Variants in TMPRSS15 observed in about 807,000 individuals in gnomAD.
TMPRSS15 encodes enteropeptidase.
TMPRSS15 carries 128 observed loss-of-function variants against 125.3 expected under a neutral mutation model. The ratio of observed to expected loss-of-function variants is 1.02; its 90% CI spans 0.89 to 1.18. The LOEUF (loss-of-function observed/expected upper bound fraction) is 1.18, where lower values mean the gene tolerates loss of function less well. TMPRSS15 is among the 50% of genes most tolerant of loss of function. The probability of loss-of-function intolerance (pLI) is 0.00; values close to 1 mark genes in which losing one functional copy is unlikely to be tolerated. For missense variants in TMPRSS15, 1,283 were observed against 1,212.7 expected, an observed-to-expected ratio of 1.06 and a Z score of -0.86; for synonymous variants, 446 against 423.2, an observed-to-expected ratio of 1.05 and a Z score of -0.66.
Position 18,474,372 on chromosome 21 carries a change from C to T in TMPRSS15, c.10+11427G>A, listed in dbSNP as rs1167178666. Among the ~76,000 whole-genome samples the T allele has an allele frequency of 3.3e-5, 5 of 151,826 alleles. No individual in the cohort carries two copies. The East Asian group carries it at 9.7e-4, about 29-fold the overall frequency. On this transcript the variant is annotated intron_variant, in intron 1 of 7. Coordinates refer to the TMPRSS15 transcript ENST00000422787. ...ATGGCTCAATCTTTGCTCACTGCAACCTTCGCCTCTTGGGTTCAAGTGATT... is the reference window on the plus strand; with the variant it reads ...ATGGCTCAATCTTTGCTCACTGCAATCTTCGCCTCTTGGGTTCAAGTGATT...
chr21:18,369,846 A>G (rs1036439366), intron 6 of TMPRSS15, among the ~76,000 whole-genome samples: 5 of 152,254 alleles, frequency 3.3e-5, no homozygotes, highest in African/African-American at 1.2e-4. Context: ...GCAACTTAAA[A>G]TGAATAAAGC....
chr21:18,413,016 C>T (rs563645304), intron 1 of TMPRSS15, among the ~76,000 whole-genome samples: 6 of 152,252 alleles, frequency 3.9e-5, no homozygotes, highest in East Asian at 3.9e-4. Context: ...TCTTCCCTTT[C>T]GCCTTTTAGA....
intron 1 of TMPRSS15, among the ~76,000 whole-genome samples, chr21:18,462,826 C>T (rs1039049815): frequency 1.3e-5 from 2 of 151,892 alleles, no homozygotes; most frequent in Non-Finnish European, 2.9e-5. Flanking sequence ...AGGTTACCCA[C>T]AAAGGGAAGC....
chr21:18,417,284 C>A (rs1430402759), intron 1 of TMPRSS15, among the ~76,000 whole-genome samples: 2 of 152,002 alleles, frequency 1.3e-5, no homozygotes, highest in African/African-American at 2.4e-5. Context: ...GGTAAGAAAG[C>A]AACAATTAAC....
At position 18,421,090 on chromosome 21, in the gene TMPRSS15, C is replaced by T. The variant is rs118090208; in HGVS notation, c.11-22761G>A. On this transcript the variant is annotated intron_variant, in intron 1 of 7. Transcript: ENST00000422787. ...TAGCTGTTATTTTACATATATGACA[C>T]GGAGGACTATATCACTAAACACTAT... Among the ~76,000 whole-genome samples, 540 of 152,154 alleles carry T rather than the reference C, an allele frequency of 3.5e-3. 1 individual carries two copies. The highest frequency in any genetic ancestry group is 6.0e-3 in the Non-Finnish European group (405 of 68,016).
chr21:18,294,928 A>G (rs1465052076), intron 19 of TMPRSS15, among the ~76,000 whole-genome samples: 1 of 152,222 alleles, frequency 6.6e-6, no homozygotes, highest in African/African-American at 2.4e-5. Flanking sequence ...GGGGGTAATA[A>G]TACTTTATTG....
intron 1 of TMPRSS15, among the ~76,000 whole-genome samples, chr21:18,459,726 T>C (rs1978515904): frequency 6.6e-6 from 1 of 152,224 alleles, no homozygotes; most frequent in African/African-American, 2.4e-5. Flanking sequence ...CTTGTCAAAG[T>C]ATGCTGGTAT....
Position 18,353,867 on chromosome 21 carries a change from C to G in TMPRSS15, c.881-4G>C, listed in dbSNP as rs2075598370. On this transcript the variant is annotated splice_polypyrimidine_tract_variant and splice_region_variant and intron_variant, in intron 8 of 24. Transcript: ENST00000284885. ...GGATTAGTTTCCCAAATAGAAGCTA[C>G]AAAATAAAATAAACAACTGTTATAT... 1 of 1,609,336 alleles carries G rather than the reference C, an allele frequency of 6.2e-7. No homozygotes were observed. The highest frequency in any genetic ancestry group is 8.5e-7 in the Non-Finnish European group (1 of 1,176,606).
intron 1 of TMPRSS15, among the ~76,000 whole-genome samples, chr21:18,421,459 T>A (rs2076191855): frequency 1.3e-5 from 2 of 152,208 alleles, no homozygotes; most frequent in South Asian, 4.1e-4. Flanking sequence ...ACCTAATAGT[T>A]AAGGAAAATC....
chr21:18,354,007 A>T (rs1396834698), intron 8 of TMPRSS15, 144 bp from the exon 9 acceptor site: 4 of 691,906 alleles, frequency 5.8e-6, no homozygotes, highest in Non-Finnish European at 9.8e-6. Flanking sequence ...AACTAAAAGC[A>T]TTAGTCTTAC....
chr21:18,430,749 A>T (rs539132151), intron 1 of TMPRSS15, among the ~76,000 whole-genome samples: 5 of 152,314 alleles, frequency 3.3e-5, no homozygotes, highest in Admixed American at 1.3e-4. Flanking sequence ...CAGGGAAAAC[A>T]AGGAGAGGTC....
intron 1 of TMPRSS15, among the ~76,000 whole-genome samples, chr21:18,468,034 A>G (rs57593696): frequency 0.57 from 86,533 of 151,918 alleles, 25,529 homozygotes; most frequent in East Asian, 0.92. Context: ...AAAAGTTGAA[A>G]AGACCATATT....
intron 1 of TMPRSS15, among the ~76,000 whole-genome samples, chr21:18,448,732 A>G (rs1184286747): frequency 6.7e-6 from 1 of 149,172 alleles, no homozygotes; most frequent in Non-Finnish European, 1.5e-5. Context: ...TAATATTCAA[A>G]TCTCATAAAC....
intron 1 of TMPRSS15, among the ~76,000 whole-genome samples, chr21:18,481,068 T>C (rs549814035): frequency 2.6e-5 from 4 of 151,934 alleles, no homozygotes; most frequent in South Asian, 2.1e-4. Flanking sequence ...CCTGATACAA[T>C]GAAATCCAAG....
chr21:18,479,832 A>G (rs1315558837), intron 1 of TMPRSS15, among the ~76,000 whole-genome samples: 2 of 152,090 alleles, frequency 1.3e-5, no homozygotes, highest in Non-Finnish European at 2.9e-5. Flanking sequence ...CAGTGTGGCA[A>G]TTCCTCAAGG....
At chr21:18,386,176 A>G (rs2075942115) in intron 3 of TMPRSS15, among the ~76,000 whole-genome samples, 1 of 152,182 alleles carries the variant, frequency 6.6e-6, no homozygotes, top group East Asian at 1.9e-4. Flanking sequence ...CTATTTTTGA[A>G]GCTGAATATT....
At chr21:18,350,198 T>C (rs1213770960) in intron 10 of TMPRSS15, among the ~76,000 whole-genome samples, 1 of 152,114 alleles carries the variant, frequency 6.6e-6, no homozygotes, top group Non-Finnish European at 1.5e-5. Flanking sequence ...TAATTAGTGA[T>C]TTTTCCATGG....
intron 1 of TMPRSS15, among the ~76,000 whole-genome samples, chr21:18,418,287 C>G (rs1372436919): frequency 6.6e-6 from 1 of 152,176 alleles, no homozygotes; most frequent in African/African-American, 2.4e-5. Flanking sequence ...AGTTAAGAAC[C>G]TTATTTTAAA....
Position 18,344,006 on chromosome 21 carries a change from A to G in TMPRSS15, c.1226T>C (p.Leu409Pro). ...AGTGGGGTCCAAAGGGAGGCTTAAA[A>G]GCCCCACTCGTTCTTGTCTCCCTCC... ...GPGGRQERVG[L>P]LSLPLDPTLE... The change falls in exon 11 of 25, where the codon CTT becomes CCT. Residue 409 changes from leucine to proline, a missense_variant. Coordinates refer to ENST00000284885, the MANE Select transcript of TMPRSS15 (RefSeq NM_002772.3). 6.2e-7 allele frequency: 1 copy of G among 1,614,126 alleles called. No individual in the cohort carries two copies.
Sources: allele counts gnomAD v4.1 joint callset (sites outside exome capture counted in the v4.1 genomes callset), GRCh38; gene constraint gnomAD v4.1.1; transcripts MANE v1.5; gene names NCBI Gene and HGNC (gene_info 2026-07-23, HGNC 2026-07-21).